CLSTN2: variants seen among roughly 807,000 people sequenced by gnomAD.
The protein encoded by CLSTN2 is calsyntenin-2.
A neutral mutation model predicts 101.2 loss-of-function variants in CLSTN2; 48 were observed. That is an observed-to-expected ratio of 0.47 (90% CI 0.38 to 0.60). CLSTN2 has a LOEUF of 0.60. Ranked by LOEUF, CLSTN2 falls within the 20% of genes least tolerant of loss-of-function variation. The pLI, the probability that CLSTN2 is intolerant of heterozygous loss-of-function variation, is 0.00. For missense variants in CLSTN2, 1,160 were observed against 1,238.2 expected (o/e 0.94, Z 0.95); for synonymous variants, 481 against 463.6 (o/e 1.04, Z -0.48).
intron 2 of CLSTN2, among the ~76,000 whole-genome samples, chr3:140,186,600 G>A (rs897318809): frequency 2.6e-4 from 40 of 152,270 alleles, no homozygotes; most frequent in Admixed American, 2.0e-3. Context: ...AGGCATCAAA[G>A]GCCAGCTGTC....
Position 140,112,625 on chromosome 3 carries a change from T to C in CLSTN2, c.110-63326T>C, listed in dbSNP as rs1218420453. 3.3e-5 allele frequency among the ~76,000 whole-genome samples: 5 copies of C among 152,002 alleles called. 1 individual carries two copies. The South Asian group carries it at 8.3e-4, about 25-fold the overall frequency. Reference sequence around the variant, plus strand: ...ATATGGGTGAATCTGAAGGCTTGAGTCGCTCTAACCTCTGGCTTCTTATGG... The same window carrying C: ...ATATGGGTGAATCTGAAGGCTTGAGCCGCTCTAACCTCTGGCTTCTTATGG... On this transcript the variant is annotated intron_variant, in intron 1 of 16. Coordinates refer to ENST00000458420, the MANE Select transcript of CLSTN2 (RefSeq NM_022131.3).
At position 140,566,250 on chromosome 3, in the gene CLSTN2, C is replaced by G. The variant is rs1016965889; in HGVS notation, c.2865C>G (p.Tyr955Ter). The change falls in exon 17 of 17, where the codon TAC (tyrosine) becomes TAG (stop). Residue 955 changes from tyrosine (Y) to a stop codon, truncating the protein, a stop_gained. Coordinates refer to ENST00000458420, the MANE Select transcript of CLSTN2 (RefSeq NM_022131.3). LOFTEE classifies it high-confidence loss of function. The stretch of plus-strand genomic sequence containing the variant: ...AGTGGGATGACTCCACCCTCCCCTA[C>G]TAGTGCCCAGGGGTCTGCTGCCTGG... Reference protein sequence around the residue: ...QLEWDDSTLPY With the variant: ...QLEWDDSTLP 1.9e-6 allele frequency: 3 copies of G among 1,562,974 alleles called. No individual in the cohort carries two copies. The highest frequency in any genetic ancestry group is 2.6e-6 in the Non-Finnish European group (3 of 1,153,640).
chr3:140,476,232 C>A (rs575443700), intron 8 of CLSTN2, among the ~76,000 whole-genome samples: 1 of 152,200 alleles, frequency 6.6e-6, no homozygotes, highest in African/African-American at 2.4e-5. Context: ...CGTTGCTAAT[C>A]CTGCTTACTT....
At chr3:140,166,621 A>G (rs1302685438) in intron 1 of CLSTN2, among the ~76,000 whole-genome samples, 1 of 152,122 alleles carries the variant, frequency 6.6e-6, no homozygotes, top group Non-Finnish European at 1.5e-5. Context: ...TTTGCAGTGT[A>G]AGCAAAGAGA....
At chr3:140,227,234 G>T (rs1050200940) in intron 2 of CLSTN2, among the ~76,000 whole-genome samples, 2 of 152,182 alleles carry the variant, frequency 1.3e-5, no homozygotes, top group Non-Finnish European at 2.9e-5. Flanking sequence ...TACTGGCATT[G>T]GGTAAATACA....
intron 5 of CLSTN2, among the ~76,000 whole-genome samples, chr3:140,421,911 A>C (rs1177961856): frequency 5.3e-5 from 8 of 152,208 alleles, no homozygotes; most frequent in Admixed American, 5.2e-4. Flanking sequence ...GGACAGCTGC[A>C]TAGATGGACC....
chr3:139,953,178 T>A (rs1935321881), intron 1 of CLSTN2, among the ~76,000 whole-genome samples: 1 of 152,050 alleles, frequency 6.6e-6, no homozygotes, highest in Admixed American at 6.6e-5. Flanking sequence ...TCAGGCTCAA[T>A]AAGGTACAGG....
chr3:139,952,758 C>T (rs900928721), intron 1 of CLSTN2, among the ~76,000 whole-genome samples: 5 of 152,126 alleles, frequency 3.3e-5, no homozygotes, highest in Non-Finnish European at 7.3e-5. Flanking sequence ...TCTCACCTTC[C>T]AAGTAGAAAA....
At chr3:140,333,499 G>A (rs1254375361) in intron 2 of CLSTN2, among the ~76,000 whole-genome samples, 2 of 151,932 alleles carry the variant, frequency 1.3e-5, no homozygotes, top group Non-Finnish European at 2.9e-5. Context: ...GCTTTCCCAG[G>A]ACCCCTGTGC....
rs1985539959 is a variant in CLSTN2, at chr3:140,571,344, GAA to G, written c.*5097_*5098del. On this transcript the variant is annotated 3_prime_UTR_variant, in exon 17 of 17. Coordinates refer to ENST00000458420, the MANE Select transcript of CLSTN2 (RefSeq NM_022131.3). Reference sequence around the variant, plus strand: ...CTCTATGGCTCAATATCAGCAAGAAGAAAAAAAGACAACTTTTTTTTTAATCA... The same window carrying G: ...CTCTATGGCTCAATATCAGCAAGAAGAAAAAGACAACTTTTTTTTTAATCA... 1 of 151,314 alleles carries G rather than the reference GAA, an allele frequency of 6.6e-6. No individual in the cohort carries two copies. Among genetic ancestry groups the G allele is most frequent in the South Asian group, 2.1e-4 (1 of 4,812 alleles). The allele number at this position is 151,314 out of a possible 1,614,324, so 9.4% of individuals were successfully genotyped here.
chr3:140,030,903 G>C (rs969506315), intron 1 of CLSTN2, among the ~76,000 whole-genome samples: 2 of 152,204 alleles, frequency 1.3e-5, no homozygotes, highest in African/African-American at 4.8e-5. Context: ...ATGACTCTGT[G>C]GCATAAATTA....
chr3:140,347,703 T>C (rs1294783965), intron 2 of CLSTN2, among the ~76,000 whole-genome samples: 1 of 152,198 alleles, frequency 6.6e-6, no homozygotes, highest in Non-Finnish European at 1.5e-5. Context: ...TGTGTTCTTT[T>C]CACATGAATA....
intron 2 of CLSTN2, among the ~76,000 whole-genome samples, chr3:140,338,817 G>T (rs1337121104): frequency 1.3e-5 from 2 of 152,194 alleles, no homozygotes; most frequent in Admixed American, 1.3e-4. Flanking sequence ...TCAGTGAGCA[G>T]GTGCAGCACC....
chr3:140,226,415 C>T (rs1235547429), intron 2 of CLSTN2, among the ~76,000 whole-genome samples: 1 of 152,050 alleles, frequency 6.6e-6, no homozygotes, highest in Non-Finnish European at 1.5e-5. Context: ...TTTTATACAA[C>T]TGTGTTTAAA....
chr3:140,385,503 G>A (rs2088041268), intron 2 of CLSTN2, among the ~76,000 whole-genome samples: 2 of 151,524 alleles, frequency 1.3e-5, no homozygotes, highest in African/African-American at 4.9e-5. Context: ...CAAGTAGCTG[G>A]GACTACAGGT....
At position 140,466,670 on chromosome 3, in the gene CLSTN2, G is replaced by A. The variant is rs750759979; in HGVS notation, c.1283G>A (p.Arg428Gln). ...AACTGCCGCCTCGTCTTTCTCTTGCGGAAGGACTTCGACCAGGCTGACACC... is the reference window on the plus strand; with the variant it reads ...AACTGCCGCCTCGTCTTTCTCTTGCAGAAGGACTTCGACCAGGCTGACACC... ...VHNCRLVFLL[R>Q]KDFDQADTFR... Residue 428 changes from arginine (R) to glutamine (Q), a missense_variant, in exon 8 of 17, where the codon CGG becomes CAG. Transcript: ENST00000458420. 11 of 1,614,114 alleles carry A rather than the reference G, an allele frequency of 6.8e-6. No homozygotes were observed. The highest frequency in any genetic ancestry group is 2.2e-5 in the East Asian group (1 of 44,874).
intron 1 of CLSTN2, among the ~76,000 whole-genome samples, chr3:140,115,390 G>A (rs2009224152): frequency 6.6e-6 from 1 of 151,962 alleles, no homozygotes; most frequent in Non-Finnish European, 1.5e-5. Flanking sequence ...TCCTTGCTTG[G>A]AGTGTCTGTG....
intron 2 of CLSTN2, among the ~76,000 whole-genome samples, chr3:140,205,640 C>T (rs1480829403): frequency 7.6e-6 from 1 of 131,258 alleles, no homozygotes; most frequent in African/African-American, 2.8e-5. Context: ...CACACACACA[C>T]AGCCACCTGC....
intron 1 of CLSTN2, among the ~76,000 whole-genome samples, chr3:140,159,413 T>A (rs549564812): frequency 6.6e-6 from 1 of 152,200 alleles, no homozygotes; most frequent in South Asian, 2.1e-4. Flanking sequence ...AACAATCATA[T>A]GAAGAAATGC....
Sources: allele counts gnomAD v4.1 joint callset (sites outside exome capture counted in the v4.1 genomes callset), GRCh38; gene constraint gnomAD v4.1.1; transcripts MANE v1.5; gene names NCBI Gene and HGNC (gene_info 2026-07-23, HGNC 2026-07-21).